STK32B: variants seen among roughly 807,000 people sequenced by gnomAD.
The protein encoded by STK32B is serine/threonine-protein kinase 32B.
A neutral mutation model predicts 52.6 loss-of-function variants in STK32B; 43 were observed. The ratio of observed to expected loss-of-function variants is 0.82; its 90% CI spans 0.64 to 1.05. The LOEUF (loss-of-function observed/expected upper bound fraction) is 1.05. Ranked by LOEUF, STK32B falls within the 50% of genes least tolerant of loss-of-function variation. STK32B has a pLI of 0.00. For synonymous variants in STK32B, 238 were observed against 204.3 expected, an observed-to-expected ratio of 1.17 and a Z score of -1.41; for missense variants, 621 against 534.6, an observed-to-expected ratio of 1.16 and a Z score of -1.59.
chr4:5,210,209 C>T (rs1191311682), intron 3 of STK32B, among the ~76,000 whole-genome samples: 3 of 152,028 alleles, frequency 2.0e-5, no homozygotes, highest in African/African-American at 4.8e-5. Flanking sequence ...GTCCTCTTCC[C>T]CTTGTCTTTC....
chr4:5,312,257 GT>G lies in STK32B; in HGVS notation c.261-18953del, dbSNP rs144734513. ...TTTATGGTTTTACCGCTTACGTTTA[GT>G]TTTTTTTTTATTTTATTATTAGGTT... On this transcript the variant is annotated intron_variant, in intron 3 of 11. Transcript: ENST00000282908. 4.7e-5 allele frequency among the ~76,000 whole-genome samples: 7 copies of G among 147,698 alleles called. No individual in the cohort carries two copies. In the East Asian group the frequency reaches 6.0e-4, roughly 13 times the overall value.
intron 3 of STK32B, among the ~76,000 whole-genome samples, chr4:5,235,485 C>G (rs1263543846): frequency 2.6e-5 from 4 of 152,166 alleles, no homozygotes; most frequent in Admixed American, 6.5e-5. Flanking sequence ...AGCACTTAGA[C>G]TAGTACAAGG....
At chr4:5,044,450 G>A in the STK32B span, among the ~76,000 whole-genome samples, 4 of 151,922 alleles carry the variant, frequency 2.6e-5, no homozygotes, top group Non-Finnish European at 5.9e-5. Context: ...CCTTTGCCCT[G>A]CCACACCAAA....
intron 3 of STK32B, among the ~76,000 whole-genome samples, chr4:5,231,391 G>A (rs377265372): frequency 1.3e-5 from 2 of 152,046 alleles, no homozygotes; most frequent in East Asian, 1.9e-4. Flanking sequence ...CGGAAAGATC[G>A]CTTGAGGCCA....
At chr4:5,087,572 AATTT>A (rs1206751012) in intron 1 of STK32B, among the ~76,000 whole-genome samples, 4 of 140,890 alleles carry the variant, frequency 2.8e-5, no homozygotes, top group African/African-American at 9.7e-5. Flanking sequence ...AGGGACAAAT[AATTT>A]GATAGATAGA....
At chr4:5,410,972 G>A (rs896848606) in intron 5 of STK32B, among the ~76,000 whole-genome samples, 3 of 152,024 alleles carry the variant, frequency 2.0e-5, no homozygotes, top group Non-Finnish European at 4.4e-5. Flanking sequence ...AGATCAAAAC[G>A]GTGAATGCAG....
the STK32B span, among the ~76,000 whole-genome samples, chr4:5,029,102 C>G: frequency 6.6e-6 from 1 of 152,130 alleles, no homozygotes; most frequent in Non-Finnish European, 1.5e-5. Context: ...TCCACCAGTC[C>G]CCACCTCCAA....
chr4:5,142,710 T>C (rs555181674), intron 2 of STK32B, among the ~76,000 whole-genome samples: 8 of 152,364 alleles, frequency 5.3e-5, no homozygotes, highest in African/African-American at 1.9e-4. Flanking sequence ...CAGTAAATTA[T>C]GACACAGTAT....
rs1169840805 is a variant in STK32B at position 5,442,901 on chromosome 4, ATTCTT to A, written c.563-3765_563-3761del. Among the ~76,000 whole-genome samples the A allele has an allele frequency of 1.1e-4, 17 of 152,102 alleles. No homozygotes were observed. In the East Asian group the frequency reaches 3.3e-3, roughly 30 times the overall value. ...CTGGATATGAAATTCTGGGTTGAAA[ATTCTT>A]TTCTTTAAGAATGTTGAATATTGGC... On this transcript the variant is annotated intron_variant, in intron 6 of 11. Transcript: ENST00000282908.
intron 1 of STK32B, among the ~76,000 whole-genome samples, chr4:5,071,742 T>C (rs1025975757): frequency 3.9e-5 from 6 of 152,322 alleles, no homozygotes; most frequent in Admixed American, 2.0e-4. Context: ...GTGATTTGCA[T>C]TGGCATTTTA....
At chr4:5,320,486 G>A (rs1268623512) in intron 3 of STK32B, among the ~76,000 whole-genome samples, 1 of 152,036 alleles carries the variant, frequency 6.6e-6, no homozygotes, top group African/African-American at 2.4e-5. Context: ...TTCAGCTATT[G>A]TTTACATTGA....
intron 1 of STK32B, among the ~76,000 whole-genome samples, chr4:5,109,972 T>C (rs1714306823): frequency 6.6e-6 from 1 of 150,582 alleles, no homozygotes; most frequent in Admixed American, 6.6e-5. Context: ...TGTATATCAA[T>C]AACATTCATA....
chr4:5,338,725 A>G (rs1215857097), intron 4 of STK32B, among the ~76,000 whole-genome samples: 3 of 152,228 alleles, frequency 2.0e-5, no homozygotes, highest in Admixed American at 6.5e-5. Flanking sequence ...ATTTTAAGTC[A>G]TTCTCAAATA....
rs1735878460 is a variant in STK32B, at chr4:5,380,607, A to T, written c.435-17600A>T. 6.6e-6 allele frequency among the ~76,000 whole-genome samples: 1 copy of T among 152,174 alleles called. No individual in the cohort carries two copies. Among genetic ancestry groups the T allele is most frequent in the African/African-American group, 2.4e-5 (1 of 41,442 alleles). ...GCAGCTGGGACTGAGTACCCATGAC[A>T]CGCAGATGCCTTTACCAGGGTGGCT... On this transcript the variant is annotated intron_variant, in intron 4 of 11. Transcript: ENST00000282908. The surrounding 1 kb of genome is among the most constrained non-coding windows in gnomAD (Gnocchi z 4.3).
chr4:5,060,235 G>T (rs1203602347), intron 1 of STK32B, among the ~76,000 whole-genome samples: 1 of 152,144 alleles, frequency 6.6e-6, no homozygotes, highest in Non-Finnish European at 1.5e-5. Flanking sequence ...CTAAGTACTG[G>T]GATAACAGGT....
At chr4:5,214,100 A>G (rs1219506561) in intron 3 of STK32B, 1 of 152,022 alleles carries the variant, frequency 6.6e-6, no homozygotes, top group Non-Finnish European at 1.5e-5. Context: ...TTGAATTGTA[A>G]TTCTCATGTT....
intron 3 of STK32B, among the ~76,000 whole-genome samples, chr4:5,177,657 A>T (rs922271067): frequency 6.6e-6 from 1 of 152,214 alleles, no homozygotes; most frequent in African/African-American, 2.4e-5. Flanking sequence ...AAGCAAGTTA[A>T]TTACTTCCTA....
At chr4:5,324,623 A>G (rs372416923) in intron 3 of STK32B, among the ~76,000 whole-genome samples, 3 of 152,186 alleles carry the variant, frequency 2.0e-5, no homozygotes, top group East Asian at 3.9e-4. Context: ...CCAACTCACT[A>G]GATGACAGCA....
At chr4:5,379,266 T>C (rs1735774662) in intron 4 of STK32B, among the ~76,000 whole-genome samples, 1 of 152,112 alleles carries the variant, frequency 6.6e-6, no homozygotes, top group Non-Finnish European at 1.5e-5. Flanking sequence ...ACATTGCCTT[T>C]CTTTCCAGAA....
Sources: allele counts gnomAD v4.1 joint callset (sites outside exome capture counted in the v4.1 genomes callset), GRCh38; gene constraint gnomAD v4.1.1; non-coding constraint Gnocchi (gnomAD v3.1); transcripts MANE v1.5; gene names NCBI Gene and HGNC (gene_info 2026-07-23, HGNC 2026-07-21).